The following BMPR2 variants were observed in gnomAD, a reference collection of about 807,000 sequenced individuals.
The protein encoded by BMPR2 is bone morphogenetic protein receptor type-2.
BMPR2 carries 29 observed loss-of-function variants against 100.8 expected under a neutral mutation model. The ratio of observed to expected loss-of-function variants is 0.29; its 90% CI spans 0.21 to 0.39. The LOEUF (loss-of-function observed/expected upper bound fraction) is 0.39. Among genes scored for constraint, BMPR2 ranks in the 10% least tolerant of loss-of-function variants. BMPR2 has a pLI of 1.00. For missense variants in BMPR2, 1,011 were observed against 1,274.5 expected (o/e 0.79, Z 3.15); for synonymous variants, 382 against 442.3 (o/e 0.86, Z 1.71).
At chr2:202,491,773 A>G (rs1208533457) in intron 3 of BMPR2, among the ~76,000 whole-genome samples, 54 of 152,182 alleles carry the variant, frequency 3.5e-4, no homozygotes, top group Non-Finnish European at 1.0e-4. Context: ...AAGAGAAACA[A>G]CTAGAGGATG....
chr2:202,555,379 A>C lies in BMPR2; in HGVS notation c.1714A>C (p.Met572Leu), dbSNP rs183518211. 8.7e-6 allele frequency: 14 copies of C among 1,614,184 alleles called. 1 individual carries two copies. The Admixed American group carries it at 2.2e-4, about 25-fold the overall frequency. The change falls in exon 12 of 13, where the codon ATG becomes CTG. Residue 572 changes from methionine to leucine, a missense_variant. By Grantham distance (15) the Met-to-Leu change is conservative. This residue lies in a region of BMPR2 where 508 missense variants were observed against 552.0 expected (regional missense o/e 0.92). Transcript: ENST00000374580. ...IVKNISSEHS[M>L]SSTPLTIGEK... ...GAAGAATATTTCCTCTGAGCATTCT[A>C]TGTCCAGCACACCTTTGACTATAGG...
chr2:202,480,694 C>A (rs537460852), intron 3 of BMPR2, among the ~76,000 whole-genome samples: 14 of 151,998 alleles, frequency 9.2e-5, no homozygotes, highest in African/African-American at 3.1e-4. Flanking sequence ...TGGCTCATGC[C>A]TGTAATCCCA....
At chr2:202,551,359 A>C (rs1688474162) in intron 10 of BMPR2, among the ~76,000 whole-genome samples, 1 of 142,354 alleles carries the variant, frequency 7.0e-6, no homozygotes, top group Non-Finnish European at 1.6e-5. Flanking sequence ...TACTAAAGAT[A>C]CAAAAAAAAA....
intron 1 of BMPR2, among the ~76,000 whole-genome samples, chr2:202,417,514 G>T (rs1159337418): frequency 6.6e-6 from 1 of 151,396 alleles, no homozygotes; most frequent in Non-Finnish European, 1.5e-5. Context: ...TGTTGGTTAG[G>T]CTGGTCTCAA....
At chr2:202,397,736 G>A (rs1690681739) in intron 1 of BMPR2, among the ~76,000 whole-genome samples, 1 of 151,472 alleles carries the variant, frequency 6.6e-6, no homozygotes, top group East Asian at 1.9e-4. Flanking sequence ...CTAAGCTCAA[G>A]CAATCCTCCC....
At chr2:202,551,792 C>T (rs571834607) in intron 10 of BMPR2, among the ~76,000 whole-genome samples, 25 of 151,818 alleles carry the variant, frequency 1.6e-4, no homozygotes, top group South Asian at 1.2e-3. Flanking sequence ...CTCTGCCTCC[C>T]GGGTTGAAGC....
intron 3 of BMPR2, among the ~76,000 whole-genome samples, chr2:202,489,707 T>G (rs1361564229): frequency 6.6e-6 from 1 of 152,224 alleles, no homozygotes; most frequent in Non-Finnish European, 1.5e-5. Flanking sequence ...AGTGGGATTC[T>G]GGGCATTACT....
intron 1 of BMPR2, among the ~76,000 whole-genome samples, chr2:202,433,372 T>C (rs1691544681): frequency 6.6e-6 from 1 of 150,708 alleles, no homozygotes; most frequent in South Asian, 2.1e-4. Flanking sequence ...CAAAAATTTT[T>C]TGTGCCAAAA....
intron 10 of BMPR2, among the ~76,000 whole-genome samples, chr2:202,546,471 A>G (rs1235899185): frequency 6.6e-6 from 1 of 152,256 alleles, no homozygotes; most frequent in Non-Finnish European, 1.5e-5. Flanking sequence ...TCTAAAGGAA[A>G]TACATGAAAA....
intron 7 of BMPR2, among the ~76,000 whole-genome samples, chr2:202,529,321 A>G (rs1475135955): frequency 1.3e-5 from 2 of 152,246 alleles, no homozygotes; most frequent in Non-Finnish European, 2.9e-5. Context: ...GCCCAGGGCA[A>G]AATTATTGTA....
intron 1 of BMPR2, among the ~76,000 whole-genome samples, chr2:202,393,344 C>A (rs1280439231): frequency 2.0e-5 from 3 of 152,178 alleles, no homozygotes; most frequent in Non-Finnish European, 4.4e-5. Flanking sequence ...CTATCTCCAC[C>A]CAAACTGCCC....
intron 1 of BMPR2, among the ~76,000 whole-genome samples, chr2:202,408,538 C>T (rs1265898234): frequency 1.3e-5 from 2 of 152,162 alleles, no homozygotes; most frequent in East Asian, 3.8e-4. Flanking sequence ...TGGGTCTTCT[C>T]CAAAGCACTT....
At chr2:202,469,094 G>T (rs1362258002) in intron 3 of BMPR2, among the ~76,000 whole-genome samples, 1 of 152,078 alleles carries the variant, frequency 6.6e-6, no homozygotes, top group Admixed American at 6.5e-5. Flanking sequence ...GCAATGGCAC[G>T]ATCTCGGCTC....
At chr2:202,434,425 T>C (rs1691565461) in intron 1 of BMPR2, among the ~76,000 whole-genome samples, 1 of 150,342 alleles carries the variant, frequency 6.7e-6, no homozygotes, top group African/African-American at 2.5e-5. Flanking sequence ...ATCTGCTTAT[T>C]ATGAGAATGT....
chr2:202,488,404 AC>A (rs1692824946), intron 3 of BMPR2, among the ~76,000 whole-genome samples: 1 of 152,154 alleles, frequency 6.6e-6, no homozygotes, highest in Non-Finnish European at 1.5e-5. Context: ...AAAGGTGAGA[AC>A]CACCCTTAGA....
chr2:202,394,761 AT>A (rs557465386), intron 1 of BMPR2, among the ~76,000 whole-genome samples: 193 of 152,268 alleles, frequency 1.3e-3, no homozygotes, highest in African/African-American at 4.4e-3. Context: ...TATGAAAAAT[AT>A]AGATTTTTTC....
At chr2:202,476,080 TAAAAAAAAAAAA>T (rs56243938) in intron 3 of BMPR2, among the ~76,000 whole-genome samples, 3 of 95,378 alleles carry the variant, frequency 3.1e-5, no homozygotes, top group Non-Finnish European at 4.0e-5. Context: ...GTCTCAAGGT[TAAAAAAAAAAAA>T]AAAAAAAAAA....
At chr2:202,502,230 T>C (rs1441279379) in intron 3 of BMPR2, among the ~76,000 whole-genome samples, 4 of 152,198 alleles carry the variant, frequency 2.6e-5, no homozygotes, top group Admixed American at 1.3e-4. Flanking sequence ...AAGGAAATTA[T>C]AGAGTTATTG....
intron 1 of BMPR2, among the ~76,000 whole-genome samples, chr2:202,392,959 C>T (rs1248776130): frequency 2.7e-5 from 4 of 146,964 alleles, no homozygotes; most frequent in Non-Finnish European, 4.5e-5. Context: ...GCCATTGACT[C>T]CAGCCTGGGC....
Sources: allele counts gnomAD v4.1 joint callset (sites outside exome capture counted in the v4.1 genomes callset), GRCh38; gene constraint gnomAD v4.1.1; regional missense constraint gnomAD v4.1.1; transcripts MANE v1.5; gene names NCBI Gene and HGNC (gene_info 2026-07-23, HGNC 2026-07-21).